The following CLRN2 variants were observed in gnomAD, a reference collection of about 807,000 sequenced individuals.
CLRN2 encodes the protein clarin 2.
A neutral mutation model predicts 20.1 loss-of-function variants in CLRN2; 17 were observed. The observed-to-expected ratio is 0.85, with a 90% CI of 0.58 to 1.27. The LOEUF (loss-of-function observed/expected upper bound fraction) is 1.27. CLRN2 is among the 50% of genes most tolerant of loss of function. The probability of loss-of-function intolerance (pLI) is 0.00; values close to 1 mark genes in which losing one functional copy is unlikely to be tolerated. For synonymous variants in CLRN2, 140 were observed against 126.9 expected, an observed-to-expected ratio of 1.10 and a Z score of -0.70; for missense variants, 288 against 299.5, an observed-to-expected ratio of 0.96 and a Z score of 0.28.
intron 1 of CLRN2, among the ~76,000 whole-genome samples, chr4:17,516,546 G>A (rs1711678135): frequency 6.6e-6 from 1 of 152,060 alleles, no homozygotes; most frequent in Non-Finnish European, 1.5e-5. Flanking sequence ...ACAAAAAGCT[G>A]GAACCGTTGA....
chr4:17,518,864 G>C (rs946578541), intron 1 of CLRN2, among the ~76,000 whole-genome samples: 1 of 152,122 alleles, frequency 6.6e-6, no homozygotes, highest in East Asian at 1.9e-4. Context: ...TGAAGCCATT[G>C]CCTTGTAGTT....
chr4:17,520,832 C>T (rs1384188202), intron 1 of CLRN2, among the ~76,000 whole-genome samples: 2 of 152,132 alleles, frequency 1.3e-5, no homozygotes, highest in Non-Finnish European at 2.9e-5. Context: ...GCCTGGTCAA[C>T]ATGGTGAAAC....
chr4:17,518,691 G>A (rs1711756900), intron 1 of CLRN2, among the ~76,000 whole-genome samples: 1 of 151,956 alleles, frequency 6.6e-6, no homozygotes, highest in Non-Finnish European at 1.5e-5. Context: ...AACTTGGGAG[G>A]TGGAGGTTGC....
At chr4:17,522,641 T>C (rs1711861437) in intron 1 of CLRN2, among the ~76,000 whole-genome samples, 1 of 152,172 alleles carries the variant, frequency 6.6e-6, no homozygotes, top group South Asian at 2.1e-4. Context: ...CATATTTTGA[T>C]TTTGTGTCCA....
intron 1 of CLRN2, among the ~76,000 whole-genome samples, chr4:17,520,411 C>T (rs1275339563): frequency 6.6e-6 from 1 of 152,138 alleles, no homozygotes; most frequent in African/African-American, 2.4e-5. Flanking sequence ...CAATCTTTTG[C>T]TATTGTAATG....
Position 17,526,911 on chromosome 4 carries a change from C to G in CLRN2, c.528C>G (p.Phe176Leu). ...ERIANFQEKL[F>L]QFVVVEEQYE... is the part of the protein sequence containing the mutation. ...TCGCCAACTTTCAGGAGAAGCTCTT[C>G]CAGTTTGTGGTGGTGGAAGAACAGT... The change falls in exon 3 of 3, where the codon TTC becomes TTG. Residue 176 changes from phenylalanine to leucine, a missense_variant. By Grantham distance (22) the Phe-to-Leu change is conservative (BLOSUM62 0). Coordinates refer to ENST00000511148, the MANE Select transcript of CLRN2 (RefSeq NM_001079827.2). 2 of 1,614,022 alleles carry G rather than the reference C, an allele frequency of 1.2e-6. No homozygotes were observed. The highest frequency in any genetic ancestry group is 1.7e-6 in the Non-Finnish European group (2 of 1,179,904).
At chr4:17,520,926 GA>G (rs1187524986) in intron 1 of CLRN2, among the ~76,000 whole-genome samples, 2 of 152,290 alleles carry the variant, frequency 1.3e-5, no homozygotes, top group East Asian at 3.9e-4. Context: ...GCTGAGGCAT[GA>G]GAATTGCTTG....
chr4:17,526,729 C>A, intron 2 of CLRN2, 88 bp from the exon 3 acceptor site: 1 of 1,518,882 alleles, frequency 6.6e-7, no homozygotes, highest in South Asian at 1.2e-5. Context: ...TAACCCAAAG[C>A]AAGTTTGTCA....
intron 1 of CLRN2, 67 bp from the exon 2 acceptor site, chr4:17,522,797 A>T: frequency 1.3e-6 from 2 of 1,550,050 alleles, no homozygotes; most frequent in South Asian, 2.4e-5. Flanking sequence ...GTGGTAAGCA[A>T]GCTTGGACTT....
At chr4:17,526,664 G>A (rs1301094020) in intron 2 of CLRN2, among the ~76,000 whole-genome samples, 153 bp from the exon 3 acceptor site, 1 of 152,190 alleles carries the variant, frequency 6.6e-6, no homozygotes, top group East Asian at 1.9e-4. Context: ...TACTGTGTGG[G>A]TTATCTCCTA....
At chr4:17,518,028 G>A (rs1364553370) in intron 1 of CLRN2, among the ~76,000 whole-genome samples, 2 of 150,104 alleles carry the variant, frequency 1.3e-5, no homozygotes, top group Non-Finnish European at 3.0e-5. Context: ...GTTTCTCCTG[G>A]GGTCTCTTTC....
rs1711631917 is a variant in CLRN2 at position 17,515,377 on chromosome 4, A to G, written c.111A>G (p.Lys37=). ...ALVVPHWLSG[K]ILCQTGVDLV... ...TAGTGCCCCACTGGCTGAGTGGGAA[A>G]ATCCTTTGTCAGACTGGAGTGGATC... Residue 37 remains lysine (K), a synonymous_variant, in exon 1 of 3, where the codon AAA becomes AAG. Coordinates refer to ENST00000511148, the MANE Select transcript of CLRN2 (RefSeq NM_001079827.2). 1 of 1,613,790 alleles carries G rather than the reference A, an allele frequency of 6.2e-7. No individual in the cohort carries two copies.
rs75354032 is a variant in CLRN2, at chr4:17,523,876, C to T, written c.433+833C>T. The stretch of plus-strand genomic sequence containing the variant: ...CTCACTGGCTGTCTCAACTCTCCCT[C>T]CTCTCACCTCCCCAACACCTTCACT... On this transcript the variant is annotated intron_variant, in intron 2 of 2. Transcript: ENST00000511148. 3.9e-3 allele frequency among the ~76,000 whole-genome samples: 585 copies of T among 150,476 alleles called. 7 individuals carry two copies. Among genetic ancestry groups the T allele is most frequent in the African/African-American group, 0.014 (559 of 40,766 alleles).
chr4:17,526,436 T>C (rs186431693), intron 2 of CLRN2, among the ~76,000 whole-genome samples: 1 of 152,260 alleles, frequency 6.6e-6, no homozygotes, highest in Middle Eastern at 3.4e-3. Context: ...GACAGGCACC[T>C]GTAGTCCCAG....
At chr4:17,525,805 AAC>A (rs1357067844) in intron 2 of CLRN2, among the ~76,000 whole-genome samples, 1 of 152,218 alleles carries the variant, frequency 6.6e-6, no homozygotes, top group African/African-American at 2.4e-5. Flanking sequence ...CATAAAGAAA[AAC>A]ACTAAAATGT....
chr4:17,522,203 C>T (rs1711850503), intron 1 of CLRN2, among the ~76,000 whole-genome samples: 2 of 152,138 alleles, frequency 1.3e-5, no homozygotes, highest in South Asian at 4.1e-4. Context: ...GTTGATTATC[C>T]TCAATTCATA....
At chr4:17,515,665 C>A in intron 1 of CLRN2, 146 bp downstream of exon 1, 1 of 851,046 alleles carries the variant, frequency 1.2e-6, no homozygotes. Flanking sequence ...GGTTCTGGAT[C>A]CACATCAAAA....
intron 1 of CLRN2, among the ~76,000 whole-genome samples, chr4:17,518,249 C>A (rs773414170): frequency 5.3e-4 from 81 of 152,100 alleles, no homozygotes; most frequent in Non-Finnish European, 9.4e-4. Context: ...ATGGAGAAAA[C>A]CAAAGAACTA....
In CLRN2 at chr4:17,523,264, A is replaced by G. The variant is rs144935166; in HGVS notation, c.433+221A>G. On this transcript the variant is annotated intron_variant, in intron 2 of 2. Coordinates refer to ENST00000511148, the MANE Select transcript of CLRN2 (RefSeq NM_001079827.2). The stretch of plus-strand genomic sequence containing the variant: ...GGGTCTCACTTTGTCACCCAGACTG[A>G]AGTGCAGTGGTGCGATCTCAGTTCA... 4.8e-3 allele frequency among the ~76,000 whole-genome samples: 725 copies of G among 150,840 alleles called. 3 individuals are homozygous for G. Among genetic ancestry groups the G allele is most frequent in the African/African-American group, 0.017 (678 of 41,018 alleles).
Sources: allele counts gnomAD v4.1 joint callset (sites outside exome capture counted in the v4.1 genomes callset), GRCh38; gene constraint gnomAD v4.1.1; transcripts MANE v1.5; gene names NCBI Gene and HGNC (gene_info 2026-07-23, HGNC 2026-07-21).